CNKSR3: variants seen among roughly 807,000 people sequenced by gnomAD.
CNKSR3 encodes the protein connector enhancer of kinase suppressor of ras 3.
Under a neutral mutation model 67.7 loss-of-function variants are expected in CNKSR3, and 36 were observed. The ratio of observed to expected loss-of-function variants is 0.53; its 90% CI spans 0.41 to 0.70. The LOEUF (loss-of-function observed/expected upper bound fraction) is 0.70. CNKSR3 is among the 30% of genes least tolerant of loss of function. The pLI, the probability that CNKSR3 is intolerant of heterozygous loss-of-function variation, is 0.00. For synonymous variants in CNKSR3, 281 were observed against 271.4 expected (o/e 1.04, Z -0.35); for missense variants, 630 against 695.2 (o/e 0.91, Z 1.05).
chr6:154,438,569 A>G (rs1298111065), intron 4 of CNKSR3, among the ~76,000 whole-genome samples: 2 of 152,226 alleles, frequency 1.3e-5, no homozygotes, highest in South Asian at 2.1e-4. Flanking sequence ...TTCAAAAATT[A>G]TAAGTGACTC....
rs573755341 is a variant in CNKSR3, at chr6:154,388,441, C to G, written c.*17913G>C. ...ATGGACGCTTAGATTGTTTGTGTATCTTGGATATTGTGAATAATGCGGCAA... is the reference window on the plus strand; with the variant it reads ...ATGGACGCTTAGATTGTTTGTGTATGTTGGATATTGTGAATAATGCGGCAA... On this transcript the variant is annotated 3_prime_UTR_variant, in exon 13 of 13. Coordinates refer to ENST00000607772, the MANE Select transcript of CNKSR3 (RefSeq NM_173515.4). The G allele has an allele frequency of 6.6e-6, 1 of 152,194 alleles. No homozygotes were observed. The highest frequency in any genetic ancestry group is 1.9e-4 in the East Asian group (1 of 5,192). 9.4% of individuals were successfully genotyped at this position (152,194 alleles called of 1,614,324 possible). A position where few individuals can be genotyped will look rare whatever the true frequency, so the allele number is the denominator to read the frequency against.
intron 1 of CNKSR3, among the ~76,000 whole-genome samples, chr6:154,506,323 T>G (rs1787102580): frequency 6.8e-6 from 1 of 146,386 alleles, no homozygotes; most frequent in African/African-American, 2.5e-5. Flanking sequence ...AGGAAGGAGG[T>G]AGTGAGGGAG....
chr6:154,459,174 A>C (rs1350732813), intron 1 of CNKSR3, among the ~76,000 whole-genome samples: 3 of 152,098 alleles, frequency 2.0e-5, no homozygotes, highest in Middle Eastern at 3.2e-3. Context: ...AAAGACTAGC[A>C]AATGAATGAA....
At chr6:154,449,971 C>G (rs1425832986) in intron 2 of CNKSR3, 124 bp downstream of exon 2, 1 of 976,956 alleles carries the variant, frequency 1.0e-6, no homozygotes, top group African/African-American at 1.7e-5. Context: ...ATCTTCAGCT[C>G]ATGTTTTATT....
At position 154,430,519 on chromosome 6, in the gene CNKSR3, A is replaced by G; in HGVS notation, c.622T>C (p.Cys208Arg). The change falls in exon 6 of 13, where the codon TGT (cysteine) becomes CGT (arginine). Residue 208 changes from cysteine (C) to arginine (R), a missense_variant. This residue lies in a region of CNKSR3 where 133 missense variants were observed against 190.6 expected (regional missense o/e 0.70). Transcript: ENST00000607772. ...TTDPVMSQCA[C>R]LEEVHLPNIK... Reference sequence around the variant, plus strand: ...TTTGGTAAGTGAACTTCCTCCAGACATGCACACTGGCTCATCACAGGATCT... The same window carrying G: ...TTTGGTAAGTGAACTTCCTCCAGACGTGCACACTGGCTCATCACAGGATCT... The G allele has an allele frequency of 6.2e-7, 1 of 1,612,932 alleles. No individual in the cohort carries two copies. Among genetic ancestry groups the G allele is most frequent in the South Asian group, 1.1e-5 (1 of 90,874 alleles).
intron 1 of CNKSR3, among the ~76,000 whole-genome samples, chr6:154,488,021 TAC>T (rs2114646090): frequency 6.6e-6 from 1 of 152,366 alleles, no homozygotes; most frequent in East Asian, 1.9e-4. Flanking sequence ...CTCTAATCTT[TAC>T]ATCTTATCAA....
intron 1 of CNKSR3, among the ~76,000 whole-genome samples, chr6:154,471,138 C>T (rs554585208): frequency 4.6e-5 from 7 of 152,308 alleles, no homozygotes; most frequent in Non-Finnish European, 8.8e-5. Context: ...CATTCAAGTA[C>T]TACCCTCATG....
intron 1 of CNKSR3, among the ~76,000 whole-genome samples, chr6:154,501,653 T>TC (rs35044264): frequency 0.27 from 41,723 of 152,082 alleles, 5,817 homozygotes; most frequent in Middle Eastern, 0.31. Flanking sequence ...CTGAAAGGCT[T>TC]TCTGATGACG....
At chr6:154,417,744 C>T (rs1046843260) in intron 9 of CNKSR3, among the ~76,000 whole-genome samples, 13 of 152,080 alleles carry the variant, frequency 8.5e-5, no homozygotes, top group African/African-American at 2.9e-4. Context: ...GAGGGAAGAC[C>T]ACACGAGAAC....
intron 1 of CNKSR3, among the ~76,000 whole-genome samples, chr6:154,475,543 C>A (rs980690750): frequency 6.6e-6 from 1 of 152,190 alleles, no homozygotes; most frequent in African/African-American, 2.4e-5. Flanking sequence ...CCTTATGCCA[C>A]CCGCTGACAG....
intron 1 of CNKSR3, among the ~76,000 whole-genome samples, chr6:154,471,855 T>A (rs1786337399): frequency 6.6e-6 from 1 of 152,086 alleles, no homozygotes; most frequent in Non-Finnish European, 1.5e-5. Flanking sequence ...GAAATAGAAG[T>A]CCAGTTCCAT....
chr6:154,450,404 T>C lies in CNKSR3; in HGVS notation c.53-146A>G, dbSNP rs1390599018. The C allele has an allele frequency of 1.4e-5, 10 of 739,082 alleles. No homozygotes were observed. The East Asian group carries it at 2.5e-4, about 19-fold the overall frequency. The allele number at this position is 739,082 out of a possible 1,614,324, so 45.8% of individuals were successfully genotyped here. ...TCTATGTGAGGCCTATTGCACCTGA[T>C]GGGCACTTTTGCATGACATGTCAAA... On this transcript the variant is annotated intron_variant, in intron 1 of 12. Transcript: ENST00000607772.
intron 1 of CNKSR3, among the ~76,000 whole-genome samples, chr6:154,485,498 T>C (rs1382448214): frequency 1.3e-5 from 2 of 152,238 alleles, no homozygotes; most frequent in Non-Finnish European, 2.9e-5. Flanking sequence ...GTCTCCTTCA[T>C]CTATAAAAGG....
At chr6:154,468,788 A>G (rs1045331544) in intron 1 of CNKSR3, among the ~76,000 whole-genome samples, 15 of 152,198 alleles carry the variant, frequency 9.9e-5, no homozygotes. Context: ...TGGGCTTAAG[A>G]ACCAGCTTGA....
chr6:154,475,349 C>CT (rs1786423137), intron 1 of CNKSR3, among the ~76,000 whole-genome samples: 1 of 151,950 alleles, frequency 6.6e-6, no homozygotes, highest in Admixed American at 6.6e-5. Context: ...CTTCCCTCCC[C>CT]TTCTCCAATC....
intron 1 of CNKSR3, among the ~76,000 whole-genome samples, chr6:154,472,381 A>T (rs920605088): frequency 1.3e-5 from 2 of 152,230 alleles, no homozygotes; most frequent in African/African-American, 4.8e-5. Context: ...AAAAGGAGTG[A>T]TGATTAAATC....
At chr6:154,427,121 T>C (rs535064117) in intron 7 of CNKSR3, among the ~76,000 whole-genome samples, 1 of 152,290 alleles carries the variant, frequency 6.6e-6, no homozygotes, top group South Asian at 2.1e-4. Context: ...CACTACCATT[T>C]CCTACCCATT....
intron 1 of CNKSR3, among the ~76,000 whole-genome samples, chr6:154,462,667 C>A (rs907722931): frequency 2.0e-5 from 3 of 152,166 alleles, no homozygotes; most frequent in African/African-American, 7.2e-5. Context: ...TATCTCGAGG[C>A]CTTTCCCTGT....
intron 9 of CNKSR3, chr6:154,414,679 C>A: frequency 1.7e-6 from 1 of 580,202 alleles, no homozygotes. Context: ...GGTTATGACT[C>A]TAGCTCTGAG....
Sources: allele counts gnomAD v4.1 joint callset (sites outside exome capture counted in the v4.1 genomes callset), GRCh38; gene constraint gnomAD v4.1.1; regional missense constraint gnomAD v4.1.1; transcripts MANE v1.5; gene names NCBI Gene and HGNC (gene_info 2026-07-23, HGNC 2026-07-21).